Variants in DDX56 observed in about 807,000 individuals in gnomAD.
DDX56 encodes DEAD-box helicase 56, also known as probable ATP-dependent RNA helicase DDX56.
Under a neutral mutation model 61.5 loss-of-function variants are expected in DDX56, and 45 were observed. The observed-to-expected ratio is 0.73, with a 90% CI of 0.58 to 0.94. DDX56 has a LOEUF of 0.94. Ranked by LOEUF, DDX56 falls within the 40% of genes least tolerant of loss-of-function variation. The pLI is 0.00. For missense variants in DDX56, 708 were observed against 690.7 expected (o/e 1.02, Z -0.28); for synonymous variants, 273 against 268.3 (o/e 1.02, Z -0.17).
In DDX56 at chr7:44,572,257, A is replaced by G; in HGVS notation, c.645+90T>C. ...ACACTAAGTGACAACTGTCCCACCC[A>G]AAACACCAAAGAATCCCCTAAGAAG... On this transcript the variant is annotated intron_variant, in intron 5 of 13. Transcript: ENST00000258772. 3.5e-6 allele frequency: 4 copies of G among 1,159,180 alleles called. No individual in the cohort carries two copies. In the South Asian group the frequency reaches 5.1e-5, roughly 15 times the overall value. The allele number at this position is 1,159,180 out of a possible 1,614,324, so 71.8% of individuals were successfully genotyped here. A position where few individuals can be genotyped will look rare whatever the true frequency, so the allele number is the denominator to read the frequency against.
intron 2 of DDX56, 91 bp from the exon 3 acceptor site, chr7:44,573,141 C>G (rs1045434571): frequency 1.1e-5 from 13 of 1,197,092 alleles, no homozygotes; most frequent in Non-Finnish European, 1.4e-5. Flanking sequence ...GACCCATCTG[C>G]TGCAACACTA....
Position 44,570,037 on chromosome 7 carries a change from C to A in DDX56, c.1102G>T (p.Ala368Ser), listed in dbSNP as rs746883133. Residue 368 changes from alanine (A) to serine (S), a missense_variant, in exon 8 of 14, where the codon GCC (alanine) becomes TCC (serine). By Grantham distance (99) the Ala-to-Ser change is moderately conservative. Transcript: ENST00000258772. ...TACCTGCCAGCTCGATGGATGTAGG[C>A]CTCAGGGGTTGGGGGAAGATCAAAG... The part of the protein sequence containing the change: ...LNFDLPPTPE[A>S]YIHRAGRTAR... 6.2e-7 allele frequency: 1 copy of A among 1,614,204 alleles called. No homozygotes were observed. The highest frequency in any genetic ancestry group is 8.5e-7 in the Non-Finnish European group (1 of 1,180,036).
Position 44,565,970 on chromosome 7 carries a change from A to G in DDX56, c.*32T>C, listed in dbSNP as rs1384863596. The G allele has an allele frequency of 3.9e-6, 6 of 1,538,144 alleles. No individual in the cohort carries two copies. Among genetic ancestry groups the G allele is most frequent in the Non-Finnish European group, 5.4e-6 (6 of 1,114,592 alleles). On this transcript the variant is annotated 3_prime_UTR_variant, in exon 14 of 14. Transcript: ENST00000258772. ...CGAAGGGTGTAAGCCTGTGCTCCAC[A>G]ATGTGCTCAGCTCCAGAGAGGCCCA...
chr7:44,566,047 G>C lies in DDX56; in HGVS notation c.1599C>G (p.Phe533Leu). The C allele has an allele frequency of 2.5e-6, 4 of 1,612,936 alleles. No homozygotes were observed. Among genetic ancestry groups the C allele is most frequent in the Non-Finnish European group, 3.4e-6 (4 of 1,179,928 alleles). ...RAKSQNPLRS[F>L]KHKGKKFRPT... Reference sequence around the variant, plus strand: ...GTCTGAATTTCTTTCCTTTGTGCTTGAAGCTGCGCAGTGGGTTCTGGGACT... The same window carrying C: ...GTCTGAATTTCTTTCCTTTGTGCTTCAAGCTGCGCAGTGGGTTCTGGGACT... The change falls in exon 14 of 14, where the codon TTC (phenylalanine) becomes TTG (leucine). Residue 533 changes from phenylalanine (F) to leucine (L), a missense_variant. By Grantham distance (22) the Phe-to-Leu change is conservative. Transcript: ENST00000258772.
intron 11 of DDX56, among the ~76,000 whole-genome samples, chr7:44,568,536 T>C (rs1180358165): frequency 6.6e-6 from 1 of 152,118 alleles, no homozygotes; most frequent in East Asian, 1.9e-4. Context: ...AAGCCCCCTA[T>C]GGTGGCCCCA....
rs1394610581 is a variant in DDX56, at chr7:44,573,876, A to C, written c.20T>G (p.Leu7Arg). ...ATCGAGGCCCATGTGTTCGAAGCCC[A>C]GTGCTTCAGAGTCCTCCATGGCGCT... is the stretch of plus-strand genomic sequence containing the variant. MEDSEALGFEHMGLDPR... is the reference protein window; with the variant it reads MEDSEARGFEHMGLDPR... Residue 7 changes from leucine (L) to arginine (R), a missense_variant, in exon 1 of 14, where the codon CTG becomes CGG. By Grantham distance (102) the Leu-to-Arg change is moderately radical. Coordinates refer to ENST00000258772, the MANE Select transcript of DDX56 (RefSeq NM_019082.4). The C allele has an allele frequency of 4.3e-6, 7 of 1,613,136 alleles. No homozygotes were observed. Among genetic ancestry groups the C allele is most frequent in the Non-Finnish European group, 4.2e-6 (5 of 1,179,992 alleles).
chr7:44,570,244 G>C (rs1028192066), intron 7 of DDX56, 116 bp from the exon 8 acceptor site: 2 of 1,352,096 alleles, frequency 1.5e-6, no homozygotes, highest in African/African-American at 1.4e-5. Context: ...CTGACATACA[G>C]AGGACTCTCC....
At chr7:44,570,632 G>T in intron 7 of DDX56, 126 bp downstream of exon 7, 1 of 1,298,546 alleles carries the variant, frequency 7.7e-7, no homozygotes, top group Non-Finnish European at 1.1e-6. Flanking sequence ...GGGGCTCTCT[G>T]GGCTACACTA....
chr7:44,568,875 A>G (rs1802603398), intron 11 of DDX56, 28 bp downstream of exon 11: 22 of 1,412,668 alleles, frequency 1.6e-5, no homozygotes, highest in Non-Finnish European at 2.1e-5. Flanking sequence ...TCTAAGATCT[A>G]TCCCCTTCTC....
In DDX56 at chr7:44,567,068, G is replaced by A. The variant is rs1802558880; in HGVS notation, c.1490-544C>T. Among the ~76,000 whole-genome samples, 3 of 152,104 alleles carry A rather than the reference G, an allele frequency of 2.0e-5. No individual in the cohort carries two copies. In the South Asian group the frequency reaches 6.2e-4, roughly 32 times the overall value. On this transcript the variant is annotated intron_variant, in intron 12 of 13. Coordinates refer to ENST00000258772, the MANE Select transcript of DDX56 (RefSeq NM_019082.4). ...AGCAGACTGGGTTCCTGAGGCCAAA[G>A]TTCTAGCCTTACCTTCTCCCTCCCT...
In DDX56 at chr7:44,569,853, G is replaced by T; in HGVS notation, c.1175C>A (p.Thr392Lys). 6.2e-7 allele frequency: 1 copy of T among 1,610,740 alleles called. No individual in the cohort carries two copies. Among genetic ancestry groups the T allele is most frequent in the Non-Finnish European group, 8.5e-7 (1 of 1,178,280 alleles). Reference protein sequence around the residue: ...PGIVLTFVLPTEQFHLGKIEE... With the variant: ...PGIVLTFVLPKEQFHLGKIEE... ...AATCTTGCCTAAGTGGAACTGCTCC[G>T]TGGGAAGCACAAAGGTTAAGACTAT... Residue 392 changes from threonine (T) to lysine (K), a missense_variant, in exon 9 of 14, where the codon ACG (threonine) becomes AAG (lysine). Physicochemically the swap from Thr to Lys is moderately conservative, Grantham distance 78. Coordinates refer to ENST00000258772, the MANE Select transcript of DDX56 (RefSeq NM_019082.4).
chr7:44,572,497 C>T (rs1802702458), intron 4 of DDX56, 60 bp from the exon 5 acceptor site: 6 of 1,613,324 alleles, frequency 3.7e-6, no homozygotes, highest in African/African-American at 1.3e-5. Context: ...TAGTAACTGG[C>T]TTCCAGCCAC....
rs753215069 is a variant in DDX56, at chr7:44,570,085, G to A, written c.1054C>T (p.His352Tyr). The change falls in exon 8 of 14, where the codon CAC (histidine) becomes TAC (tyrosine). Residue 352 changes from histidine to tyrosine, a missense_variant. By Grantham distance (83) the His-to-Tyr change is moderately conservative (BLOSUM62 2). Transcript: ENST00000258772. ...AAGTTGAGCACAGCAGACACATGGT[G>A]GAAGTCTATGCCCCGGGCCACACCT... ...EAGVARGIDF[H>Y]HVSAVLNFDL... 2.5e-6 allele frequency: 4 copies of A among 1,614,162 alleles called. No individual in the cohort carries two copies. The highest frequency in any genetic ancestry group is 1.7e-4 in the Middle Eastern group (1 of 6,058).
chr7:44,573,048 T>A lies in DDX56; in HGVS notation c.225A>T (p.Thr75=), dbSNP rs1327933967. ...MLQLLLHRKA[T]GPVVEQAVRG... is the part of the protein sequence containing the mutation. ...TCACTGCCTGTTCTACCACCGGACC[T>A]GTCTGTAAGAATATGAATTAAAGAC... Residue 75 remains threonine (T), a splice_region_variant and synonymous_variant, in exon 3 of 14, where the codon ACA becomes ACT. Coordinates refer to ENST00000258772, the MANE Select transcript of DDX56 (RefSeq NM_019082.4). 1 of 1,568,662 alleles carries A rather than the reference T, an allele frequency of 6.4e-7. No homozygotes were observed. Among genetic ancestry groups the A allele is most frequent in the South Asian group, 1.2e-5 (1 of 84,442 alleles).
intron 12 of DDX56, among the ~76,000 whole-genome samples, chr7:44,567,511 A>G (rs1434068645): frequency 6.6e-6 from 1 of 152,232 alleles, no homozygotes; most frequent in African/African-American, 2.4e-5. Flanking sequence ...AAAGATGAGG[A>G]GAGGTGCCCA....
chr7:44,566,167 G>C (rs1802529716), intron 13 of DDX56, 88 bp from the exon 14 acceptor site: 2 of 701,554 alleles, frequency 2.9e-6, no homozygotes, highest in African/African-American at 2.3e-5. Context: ...AAGACACAAA[G>C]GGAGCCGTGC....
At chr7:44,569,938 C>T (rs1802630544) in intron 8 of DDX56, 35 bp from the exon 9 acceptor site, 1 of 1,611,426 alleles carries the variant, frequency 6.2e-7, no homozygotes, top group South Asian at 1.1e-5. Context: ...GCATCTCCAA[C>T]CCGCAGGCTC....
intron 5 of DDX56, among the ~76,000 whole-genome samples, 186 bp from the exon 6 acceptor site, chr7:44,571,922 T>C (rs895727627): frequency 2.0e-4 from 30 of 152,196 alleles, no homozygotes; most frequent in African/African-American, 7.0e-4. Context: ...TTGTGGTATA[T>C]AGAGTATACC....
At position 44,573,897 on chromosome 7, in the gene DDX56, G is replaced by A. The variant is rs908849366; in HGVS notation, c.-2C>T. The A allele has an allele frequency of 2.5e-6, 4 of 1,612,944 alleles. No homozygotes were observed. The highest frequency in any genetic ancestry group is 3.4e-6 in the Non-Finnish European group (4 of 1,179,946). On this transcript the variant is annotated 5_prime_UTR_variant, in exon 1 of 14. Transcript: ENST00000258772. Reference sequence around the variant, plus strand: ...GCCCAGTGCTTCAGAGTCCTCCATGGCGCTGCTCAGTAGCGCAGCACGCAC... The same window carrying A: ...GCCCAGTGCTTCAGAGTCCTCCATGACGCTGCTCAGTAGCGCAGCACGCAC...
Sources: gnomAD v4.1 joint callset for allele counts (sites outside exome capture counted in the v4.1 genomes callset) on GRCh38, gnomAD v4.1.1 for gene constraint, MANE v1.5 for transcripts, NCBI Gene and HGNC (gene_info 2026-07-23, HGNC 2026-07-21) for gene names.